Variants in MCFD2 observed in about 807,000 individuals in gnomAD.
The protein encoded by MCFD2 is multiple coagulation factor deficiency 2, ER cargo receptor complex subunit.
A neutral mutation model predicts 12.8 loss-of-function variants in MCFD2; 11 were observed. The ratio of observed to expected loss-of-function variants is 0.86; its 90% CI spans 0.54 to 1.42. The LOEUF is 1.42. Among genes scored for constraint, MCFD2 ranks in the 40% most tolerant of loss-of-function variants. The pLI, the probability that MCFD2 is intolerant of heterozygous loss-of-function variation, is 0.00. For missense variants in MCFD2, 191 were observed against 178.6 expected, an observed-to-expected ratio of 1.07 and a Z score of -0.40; for synonymous variants, 70 against 68.1, an observed-to-expected ratio of 1.03 and a Z score of -0.14.
chr2:46,930,903 GA>G (rs1558479780), intron 1 of MCFD2, among the ~76,000 whole-genome samples: 1 of 151,860 alleles, frequency 6.6e-6, no homozygotes. Flanking sequence ...TTGGAGAAAA[GA>G]AAAAAATATA....
chr2:46,921,093 T>G (rs1669080904), intron 1 of MCFD2, among the ~76,000 whole-genome samples: 1 of 152,180 alleles, frequency 6.6e-6, no homozygotes, highest in African/African-American at 2.4e-5. Flanking sequence ...GCTTTTCCCT[T>G]AATATCAGGA....
At chr2:46,934,060 C>T (rs753157519) in intron 1 of MCFD2, among the ~76,000 whole-genome samples, 5 of 152,004 alleles carry the variant, frequency 3.3e-5, no homozygotes, top group Non-Finnish European at 5.9e-5. Context: ...TTGATGAAGG[C>T]GAGGAGAATG....
At position 46,907,798 on chromosome 2, in the gene MCFD2, T is replaced by A. The variant is rs771706958; in HGVS notation, c.309+12A>T. On this transcript the variant is annotated intron_variant, in intron 3 of 3. Coordinates refer to ENST00000319466, the MANE Select transcript of MCFD2 (RefSeq NM_139279.6). The surrounding 1 kb of genome is among the most constrained non-coding windows in gnomAD (Gnocchi z 4.1). ...TCTGTGATACAGTCCCCCAAGCCAC[T>A]GCCAGACCTACCTCCTTATGGACAT... The A allele has an allele frequency of 2.5e-6, 4 of 1,614,048 alleles. No individual in the cohort carries two copies. The African/African-American group carries it at 5.3e-5, about 22-fold the overall frequency.
upstream of MCFD2, among the ~76,000 whole-genome samples, chr2:46,917,012 C>T (rs112219877): frequency 5.7e-4 from 87 of 152,140 alleles, 1 homozygote; most frequent in Middle Eastern, 3.4e-3. Context: ...AGCCTGGGTC[C>T]GGACAGGAAA....
chr2:46,916,071 C>G, upstream of MCFD2: 11 of 985,496 alleles, frequency 1.1e-5, no homozygotes, highest in Non-Finnish European at 1.3e-5. Flanking sequence ...GCCGGAAGCC[C>G]TCAGGAACGT....
chr2:46,928,157 G>A (rs1462265330), intron 1 of MCFD2, among the ~76,000 whole-genome samples: 1 of 151,894 alleles, frequency 6.6e-6, no homozygotes, highest in Non-Finnish European at 1.5e-5. Context: ...CTCCCAAAGT[G>A]CCGGGATTAC....
Position 46,908,344 on chromosome 2 carries a change from TC to T in MCFD2, c.150-376del. On this transcript the variant is annotated intron_variant, in intron 2 of 3. Coordinates refer to ENST00000319466, the MANE Select transcript of MCFD2 (RefSeq NM_139279.6). This position sits in a 1 kb window ranked among gnomAD's most constrained non-coding sequence, Gnocchi z 4.5. ...AGCGTGATCTTGGCTCATTGTAGCCTCAACTTCCCAAGCTCAGTTGATTCTC... is the reference window on the plus strand; with the variant it reads ...AGCGTGATCTTGGCTCATTGTAGCCTAACTTCCCAAGCTCAGTTGATTCTC... 1 of 325,314 alleles carries T rather than the reference TC, an allele frequency of 3.1e-6. No homozygotes were observed. The allele number at this position is 325,314 out of a possible 1,614,324, so 20.2% of individuals were successfully genotyped here.
intron 1 of MCFD2, among the ~76,000 whole-genome samples, chr2:46,925,664 C>A (rs1669349542): frequency 6.6e-6 from 1 of 152,184 alleles, no homozygotes; most frequent in Non-Finnish European, 1.5e-5. Flanking sequence ...AGTTCCTAAG[C>A]TGACTTCTCC....
Position 46,908,051 on chromosome 2 carries a change from A to G in MCFD2, c.150-82T>C. ...TCTTAAGGACTCTGAAAAGTTCAAG[A>G]TCTTAAACTTCCTCCAGCTCAGAAA... On this transcript the variant is annotated intron_variant, in intron 2 of 3. Transcript: ENST00000319466. This position sits in a 1 kb window ranked among gnomAD's most constrained non-coding sequence, Gnocchi z 4.5. 1.3e-6 allele frequency: 2 copies of G among 1,493,388 alleles called. No homozygotes were observed. Among genetic ancestry groups the G allele is most frequent in the Non-Finnish European group, 1.8e-6 (2 of 1,082,748 alleles). The allele number at this position is 1,493,388 out of a possible 1,614,324, so 92.5% of individuals were successfully genotyped here. A position where few individuals can be genotyped will look rare whatever the true frequency, so the allele number is the denominator to read the frequency against.
intron 1 of MCFD2, among the ~76,000 whole-genome samples, chr2:46,927,650 G>A (rs1035180903): frequency 3.3e-5 from 5 of 151,572 alleles, no homozygotes; most frequent in Non-Finnish European, 5.9e-5. Context: ...ATGAGCTACC[G>A]CGCCCGGCAA....
chr2:46,906,026 TCAAAA>T, intron 3 of MCFD2: 1 of 471,114 alleles, frequency 2.1e-6, no homozygotes, highest in Non-Finnish European at 4.4e-6. Flanking sequence ...CAAGTTGGCA[TCAAAA>T]CAAGAGGAAG....
chr2:46,938,965 C>T (rs1159194412), intron 1 of MCFD2, among the ~76,000 whole-genome samples: 1 of 149,444 alleles, frequency 6.7e-6, no homozygotes, highest in Non-Finnish European at 1.5e-5. Flanking sequence ...GAGCTGAGAT[C>T]GTGCCACTGC....
At chr2:46,926,726 CAATT>C (rs1669403630) in intron 1 of MCFD2, among the ~76,000 whole-genome samples, 1 of 152,196 alleles carries the variant, frequency 6.6e-6, no homozygotes, top group Admixed American at 6.5e-5. Flanking sequence ...ATGTCCTACA[CAATT>C]AAAGACAACT....
chr2:46,920,454 C>T (rs1020623802), upstream of MCFD2, among the ~76,000 whole-genome samples: 8 of 151,998 alleles, frequency 5.3e-5, no homozygotes, highest in Admixed American at 3.3e-4. Flanking sequence ...CTCAGCCTCC[C>T]AAGTTGCTGG....
Position 46,936,784 on chromosome 2 carries a change from C to T in MCFD2, c.-8+4788G>A, listed in dbSNP as rs112943719. Among the ~76,000 whole-genome samples the T allele has an allele frequency of 5.5e-4, 84 of 152,104 alleles. 1 individual carries two copies. The highest frequency in any genetic ancestry group is 3.4e-3 in the Middle Eastern group (1 of 294). On this transcript the variant is annotated intron_variant, in intron 1 of 2. Coordinates refer to the MCFD2 transcript ENST00000409147. Reference sequence around the variant, plus strand: ...TATTCACTTTAGAATGCAAAGTGAACACAATTCCAAACATCCAGTGGTCTT... The same window carrying T: ...TATTCACTTTAGAATGCAAAGTGAATACAATTCCAAACATCCAGTGGTCTT...
At position 46,905,017 on chromosome 2, in the gene MCFD2, T is replaced by A; in HGVS notation, c.*446A>T. 3.7e-6 allele frequency: 1 copy of A among 272,414 alleles called. No individual in the cohort carries two copies. The allele number at this position is 272,414 out of a possible 1,614,324, so 16.9% of individuals were successfully genotyped here. On this transcript the variant is annotated 3_prime_UTR_variant, in exon 4 of 4. Transcript: ENST00000319466. Reference sequence around the variant, plus strand: ...TGCTATTCTTGTGATAGTGAATAAGTTTCACAAGATCTGATGGCTTATCAG... The same window carrying A: ...TGCTATTCTTGTGATAGTGAATAAGATTCACAAGATCTGATGGCTTATCAG...
Position 46,907,209 on chromosome 2 carries a change from T to C in MCFD2, c.309+601A>G, listed in dbSNP as rs1263909664. 6.1e-6 allele frequency: 1 copy of C among 163,700 alleles called. No homozygotes were observed. Among genetic ancestry groups the C allele is most frequent in the Non-Finnish European group, 1.3e-5 (1 of 74,784 alleles). 10.1% of individuals were successfully genotyped at this position (163,700 alleles called of 1,614,324 possible). ...TCTGCAGTTTGAATACGGTCTGTCT[T>C]TTAGGCACTGATTCTCATACTCTGG... is the stretch of plus-strand genomic sequence containing the variant. On this transcript the variant is annotated intron_variant, in intron 3 of 3. Transcript: ENST00000319466. The surrounding 1 kb of genome is among the most constrained non-coding windows in gnomAD (Gnocchi z 4.1).
chr2:46,908,125 G>T lies in MCFD2; in HGVS notation c.150-156C>A. ...CACACTCAAGGATTACACAGAGATA[G>T]ACAAGGCCTTGAGAGGAGCAGGAAA... On this transcript the variant is annotated intron_variant, in intron 2 of 3. Transcript: ENST00000319466. The surrounding 1 kb of genome is among the most constrained non-coding windows in gnomAD (Gnocchi z 4.5). The T allele has an allele frequency of 1.3e-6, 1 of 789,112 alleles. No homozygotes were observed. Among genetic ancestry groups the T allele is most frequent in the Non-Finnish European group, 2.1e-6 (1 of 468,460 alleles). 48.9% of individuals were successfully genotyped at this position (789,112 alleles called of 1,614,324 possible).
At chr2:46,930,956 G>A (rs775110818) in intron 1 of MCFD2, among the ~76,000 whole-genome samples, 5 of 152,128 alleles carry the variant, frequency 3.3e-5, no homozygotes, top group Non-Finnish European at 5.9e-5. Flanking sequence ...TAATTTTGAT[G>A]ACCAAAAGCC....
Sources: allele counts gnomAD v4.1 joint callset (sites outside exome capture counted in the v4.1 genomes callset), GRCh38; gene constraint gnomAD v4.1.1; non-coding constraint Gnocchi (gnomAD v3.1); transcripts MANE v1.5; gene names NCBI Gene and HGNC (gene_info 2026-07-23, HGNC 2026-07-21).